FYN: variants seen among roughly 807,000 people sequenced by gnomAD.
The protein encoded by FYN is FYN proto-oncogene, Src family tyrosine kinase, also known as tyrosine-protein kinase Fyn.
Under a neutral mutation model 70.2 loss-of-function variants are expected in FYN, and 10 were observed. That is an observed-to-expected ratio of 0.14 (90% CI 0.09 to 0.24). The LOEUF (loss-of-function observed/expected upper bound fraction) is 0.24, where lower values mean the gene tolerates loss of function less well. FYN is among the 10% of genes least tolerant of loss of function. The pLI is 1.00. For synonymous variants in FYN, 236 were observed against 248.6 expected, an observed-to-expected ratio of 0.95 and a Z score of 0.48; for missense variants, 319 against 673.1, an observed-to-expected ratio of 0.47 and a Z score of 5.82.
intron 13 of FYN, among the ~76,000 whole-genome samples, chr6:111,668,504 A>G (rs1798110318): frequency 1.0e-5 from 1 of 98,278 alleles, no homozygotes; most frequent in African/African-American, 5.7e-5. Context: ...TTGTCCCAGA[A>G]AAAAAAAAAA....
chr6:111,833,177 T>TCAC (rs57324597), intron 2 of FYN, among the ~76,000 whole-genome samples: 1 of 152,038 alleles, frequency 6.6e-6, no homozygotes, highest in Admixed American at 6.5e-5. Flanking sequence ...ATTTAAAATA[T>TCAC]GGACCCATTT....
intron 3 of FYN, among the ~76,000 whole-genome samples, chr6:111,758,520 T>A (rs1583414586): frequency 6.6e-6 from 1 of 152,296 alleles, no homozygotes; most frequent in African/African-American, 2.4e-5. Context: ...TTTTTGGTGG[T>A]CACCAAAACA....
chr6:111,868,091 T>C (rs55720640), intron 1 of FYN, among the ~76,000 whole-genome samples: 51,858 of 151,378 alleles, frequency 0.34, 13,087 homozygotes, highest in African/African-American at 0.72. Context: ...ACCCCTCCTC[T>C]TCCAGCCTTC....
intron 1 of FYN, among the ~76,000 whole-genome samples, chr6:111,861,879 A>G (rs1367549548): frequency 1.3e-5 from 2 of 152,240 alleles, no homozygotes; most frequent in African/African-American, 4.8e-5. Context: ...GCTGAGCTGT[A>G]GAGTTAAATC....
chr6:111,814,414 AT>A (rs544010275), intron 2 of FYN, among the ~76,000 whole-genome samples: 4 of 152,046 alleles, frequency 2.6e-5, no homozygotes, highest in South Asian at 2.1e-4. Flanking sequence ...ACATAAAAAG[AT>A]TTTTTTTCAC....
intron 1 of FYN, among the ~76,000 whole-genome samples, chr6:111,862,613 C>T (rs950712666): frequency 5.3e-5 from 8 of 152,102 alleles, no homozygotes; most frequent in East Asian, 1.9e-4. Context: ...AAAAGGGGAG[C>T]GGCATATGTG....
intron 2 of FYN, among the ~76,000 whole-genome samples, chr6:111,784,156 A>T (rs1259953552): frequency 6.6e-6 from 1 of 152,110 alleles, no homozygotes; most frequent in African/African-American, 2.4e-5. Flanking sequence ...TTTCAGTATA[A>T]GGATAAAGCT....
intron 9 of FYN, among the ~76,000 whole-genome samples, chr6:111,698,773 A>G (rs919725083): frequency 4.6e-5 from 7 of 152,200 alleles, no homozygotes; most frequent in African/African-American, 7.2e-5. Flanking sequence ...ATGTAATCCT[A>G]AAAATAATCC....
intron 13 of FYN, among the ~76,000 whole-genome samples, chr6:111,674,149 A>G (rs1205692590): frequency 2.0e-5 from 3 of 152,152 alleles, no homozygotes; most frequent in African/African-American, 7.2e-5. Flanking sequence ...ACATGTCTGC[A>G]AACTCCATTT....
intron 3 of FYN, among the ~76,000 whole-genome samples, chr6:111,738,555 G>A (rs1461077143): frequency 1.3e-5 from 2 of 152,202 alleles, no homozygotes; most frequent in Non-Finnish European, 2.9e-5. Context: ...GGAAAATCCA[G>A]CACAGTATCA....
chr6:111,859,577 A>G (rs1366164977), intron 1 of FYN, among the ~76,000 whole-genome samples: 1 of 152,208 alleles, frequency 6.6e-6, no homozygotes, highest in African/African-American at 2.4e-5. Flanking sequence ...TTCTTCTTAC[A>G]TGCAAATTTC....
rs1027717679 is a variant in FYN, at chr6:111,760,054, C to T, written c.-12+20512G>A. On this transcript the variant is annotated intron_variant, in intron 3 of 13. Coordinates refer to ENST00000354650, the MANE Select transcript of FYN (RefSeq NM_002037.5). ...GTGACGTATGTGAAAACATTCTTTA[C>T]GTTGCAGAATATTTTACAAATATGA... 9.9e-5 allele frequency: 15 copies of T among 151,750 alleles called. No individual in the cohort carries two copies. The East Asian group carries it at 2.5e-3, about 25-fold the overall frequency. 9.4% of individuals were successfully genotyped at this position (151,750 alleles called of 1,614,324 possible).
chr6:111,723,958 T>C (rs1008675416), intron 3 of FYN, among the ~76,000 whole-genome samples: 12 of 152,274 alleles, frequency 7.9e-5, no homozygotes, highest in African/African-American at 2.6e-4. Flanking sequence ...CAAGTTATCA[T>C]GCCTAGAAAA....
At chr6:111,718,673 C>T (rs765217415) in intron 4 of FYN, among the ~76,000 whole-genome samples, 8 of 152,146 alleles carry the variant, frequency 5.3e-5, no homozygotes, top group Non-Finnish European at 1.0e-4. Context: ...CTTAGACTGC[C>T]TGTCTGTGTC....
intron 3 of FYN, among the ~76,000 whole-genome samples, chr6:111,733,575 G>T (rs186863845): frequency 6.6e-6 from 1 of 152,202 alleles, no homozygotes; most frequent in African/African-American, 2.4e-5. Context: ...GGCACAGAGC[G>T]TATCACTCTG....
At chr6:111,847,484 C>T (rs555089960) in intron 1 of FYN, among the ~76,000 whole-genome samples, 5 of 152,276 alleles carry the variant, frequency 3.3e-5, no homozygotes, top group East Asian at 1.9e-4. Context: ...ATTATGTTTA[C>T]AACAATATGT....
intron 2 of FYN, among the ~76,000 whole-genome samples, chr6:111,802,840 G>A (rs527892572): frequency 4.6e-5 from 7 of 151,978 alleles, no homozygotes; most frequent in African/African-American, 1.7e-4. Flanking sequence ...GGACAGGAAC[G>A]TAGTAGAGCC....
intron 12 of FYN, 106 bp from the exon 13 acceptor site, chr6:111,674,736 A>G (rs1798457395): frequency 8.0e-7 from 1 of 1,247,694 alleles, no homozygotes; most frequent in South Asian, 1.5e-5. Flanking sequence ...GAGCAGGTTT[A>G]GAGGGGAAGA....
At chr6:111,867,797 G>A (rs1205095974) in intron 1 of FYN, among the ~76,000 whole-genome samples, 1 of 152,014 alleles carries the variant, frequency 6.6e-6, no homozygotes, top group Non-Finnish European at 1.5e-5. Context: ...TCGGTCAAAG[G>A]CCCATACTGT....
Sources: allele counts gnomAD v4.1 joint callset (sites outside exome capture counted in the v4.1 genomes callset), GRCh38; gene constraint gnomAD v4.1.1; transcripts MANE v1.5; gene names NCBI Gene and HGNC (gene_info 2026-07-23, HGNC 2026-07-21).